LRP1B: variants seen among roughly 807,000 people sequenced by gnomAD.
LRP1B encodes the protein LDL receptor related protein 1B, also known as low-density lipoprotein receptor-related protein 1B.
Under a neutral mutation model 556.6 loss-of-function variants are expected in LRP1B, and 217 were observed. The observed-to-expected ratio is 0.39, with a 90% CI of 0.35 to 0.44. The LOEUF (loss-of-function observed/expected upper bound fraction) is 0.44, where lower values mean the gene tolerates loss of function less well. LRP1B is among the 20% of genes least tolerant of loss of function. LRP1B has a pLI of 1.00. For missense variants in LRP1B, 5,053 were observed against 5,620.8 expected, an observed-to-expected ratio of 0.90 and a Z score of 3.23; for synonymous variants, 2,047 against 1,865.8, an observed-to-expected ratio of 1.10 and a Z score of -2.50.
At chr2:141,695,453 C>A (rs1419816327) in intron 2 of LRP1B, among the ~76,000 whole-genome samples, 2 of 151,896 alleles carry the variant, frequency 1.3e-5, no homozygotes, top group African/African-American at 4.8e-5. Context: ...TTCATGGAGA[C>A]TAAATTACTT....
At chr2:141,241,128 T>C (rs1336464311) in intron 5 of LRP1B, among the ~76,000 whole-genome samples, 3 of 152,114 alleles carry the variant, frequency 2.0e-5, no homozygotes, top group Non-Finnish European at 4.4e-5. Flanking sequence ...AAAAGTGTGT[T>C]GTATCATTTG....
chr2:140,345,779 CAT>C (rs199660188), intron 77 of LRP1B, among the ~76,000 whole-genome samples: 1,710 of 128,098 alleles, frequency 0.013, 52 homozygotes, highest in African/African-American at 0.051. Context: ...CATATATATA[CAT>C]ATATATACAC....
At chr2:140,547,809 C>T (rs1028378982) in intron 43 of LRP1B, among the ~76,000 whole-genome samples, 9 of 151,898 alleles carry the variant, frequency 5.9e-5, no homozygotes, top group African/African-American at 1.7e-4. Flanking sequence ...TTGTGATTTC[C>T]GCTTGCAGAG....
At chr2:141,327,879 A>T (rs901637514) in intron 3 of LRP1B, among the ~76,000 whole-genome samples, 12 of 90,402 alleles carry the variant, frequency 1.3e-4, no homozygotes, top group Non-Finnish European at 4.6e-5. Flanking sequence ...AAAGAGTGAG[A>T]GAGAGAGAGA....
In LRP1B at chr2:140,848,311, T is replaced by C. The variant is rs368835399; in HGVS notation, c.4939+1791A>G. ...AAAAAAATTCTGAACAAAGAGGAAA[T>C]CTTTGCATTTGCTTTTTTATAAAAA... On this transcript the variant is annotated intron_variant, in intron 29 of 90. Transcript: ENST00000389484. Among the ~76,000 whole-genome samples, 8 of 152,230 alleles carry C rather than the reference T, an allele frequency of 5.3e-5. No homozygotes were observed. The East Asian group carries it at 1.2e-3, about 22-fold the overall frequency.
chr2:142,130,586 G>T, intron 1 of LRP1B, 62 bp downstream of exon 1: 2 of 1,382,772 alleles, frequency 1.4e-6, no homozygotes, highest in Non-Finnish European at 2.0e-6. Context: ...TTATCTGCAA[G>T]CATCGCCCAG....
At position 142,062,506 on chromosome 2, in the gene LRP1B, A is replaced by C. The variant is rs186874225; in HGVS notation, c.82+68142T>G. Among the ~76,000 whole-genome samples, 233 of 151,910 alleles carry C rather than the reference A, an allele frequency of 1.5e-3. 1 individual carries two copies. Among genetic ancestry groups the C allele is most frequent in the Non-Finnish European group, 2.7e-3 (184 of 67,872 alleles). Reference sequence around the variant, plus strand: ...ACTATAAGATGAAAGCTGAGGCAAAATTTTGATGTTGATGTCTACTAGATG... The same window carrying C: ...ACTATAAGATGAAAGCTGAGGCAAACTTTTGATGTTGATGTCTACTAGATG... On this transcript the variant is annotated intron_variant, in intron 1 of 90. Transcript: ENST00000389484.
chr2:140,748,791 AT>A (rs1688455778), intron 35 of LRP1B, among the ~76,000 whole-genome samples: 1 of 45,936 alleles, frequency 2.2e-5, no homozygotes, highest in African/African-American at 6.5e-5. Flanking sequence ...TATAATATAT[AT>A]TATATACATA....
At position 141,806,074 on chromosome 2, in the gene LRP1B, G is replaced by A. The variant is rs1488888742; in HGVS notation, c.205+4205C>T. 2.0e-5 allele frequency among the ~76,000 whole-genome samples: 3 copies of A among 152,040 alleles called. No homozygotes were observed. The East Asian group carries it at 5.8e-4, about 29-fold the overall frequency. ...TTAAAAAGAAATAATCTAGTTTTAA[G>A]TATAATGATGTCAGATTTCTGGAAA... is the stretch of plus-strand genomic sequence containing the variant. On this transcript the variant is annotated intron_variant, in intron 2 of 90. Transcript: ENST00000389484.
chr2:142,071,166 G>A (rs945200464), intron 1 of LRP1B, among the ~76,000 whole-genome samples: 36 of 151,914 alleles, frequency 2.4e-4, no homozygotes, highest in African/African-American at 7.2e-4. Flanking sequence ...TTTTATATTC[G>A]TAAATGAAAT....
At chr2:141,621,457 G>A (rs1688502018) in intron 2 of LRP1B, among the ~76,000 whole-genome samples, 1 of 152,126 alleles carries the variant, frequency 6.6e-6, no homozygotes, top group Admixed American at 6.5e-5. Context: ...TTTATCATCA[G>A]TGTTACATAA....
At chr2:141,349,044 G>A (rs561488651) in intron 3 of LRP1B, among the ~76,000 whole-genome samples, 31 of 151,966 alleles carry the variant, frequency 2.0e-4, no homozygotes, top group African/African-American at 7.0e-4. Context: ...CCTTTTTCTT[G>A]TATAAATTAC....
chr2:141,033,694 C>T (rs1431137210), intron 11 of LRP1B, among the ~76,000 whole-genome samples: 1 of 152,138 alleles, frequency 6.6e-6, no homozygotes, highest in East Asian at 2.0e-4. Flanking sequence ...GAGGCCAGAG[C>T]TCTTTCTTTC....
intron 31 of LRP1B, among the ~76,000 whole-genome samples, chr2:140,817,308 CATA>C (rs1691157022): frequency 6.6e-6 from 1 of 151,466 alleles, no homozygotes; most frequent in South Asian, 2.1e-4. Flanking sequence ...GATCCAATAA[CATA>C]ATAAGTATAC....
intron 66 of LRP1B, among the ~76,000 whole-genome samples, chr2:140,432,995 G>A (rs1401981505): frequency 1.3e-5 from 2 of 152,174 alleles, no homozygotes; most frequent in Admixed American, 1.3e-4. Context: ...AGCCATATAT[G>A]CTACTAAGTG....
intron 2 of LRP1B, among the ~76,000 whole-genome samples, chr2:141,761,409 A>T (rs1288369088): frequency 2.3e-5 from 1 of 42,570 alleles, no homozygotes; most frequent in Non-Finnish European, 1.3e-4. Context: ...AAGTACAAAT[A>T]ACTTAATAAA....
At chr2:141,044,215 G>GT (rs1698796186) in intron 11 of LRP1B, among the ~76,000 whole-genome samples, 1 of 150,438 alleles carries the variant, frequency 6.6e-6, no homozygotes, top group Admixed American at 6.6e-5. Flanking sequence ...CTGGCTAGCC[G>GT]TATGTAGAAA....
chr2:140,456,553 G>A lies in LRP1B; in HGVS notation c.9865C>T (p.Leu3289Phe), dbSNP rs2105322094. ...INNGGCSHLC[L>F]LAPGKTHTCA... The stretch of plus-strand genomic sequence containing the variant: ...GTGTGGGTTTTTCCAGGGGCTAAAA[G>A]GCACAAATGACTGCAACCACCATTA... The change falls in exon 62 of 91, where the codon CTT (leucine) becomes TTT (phenylalanine). Residue 3289 changes from leucine (L) to phenylalanine (F), a missense_variant. Leu to Phe is a conservative substitution (Grantham distance 22, BLOSUM62 0). Transcript: ENST00000389484. 6.2e-7 allele frequency: 1 copy of A among 1,613,304 alleles called. No individual in the cohort carries two copies. The highest frequency in any genetic ancestry group is 1.3e-5 in the African/African-American group (1 of 75,028).
chr2:140,588,446 T>C (rs1163228174), intron 43 of LRP1B, among the ~76,000 whole-genome samples: 1 of 152,176 alleles, frequency 6.6e-6, no homozygotes, highest in African/African-American at 2.4e-5. Context: ...GACGACACTA[T>C]AGATATATGA....
Sources: gnomAD v4.1 joint callset for allele counts (sites outside exome capture counted in the v4.1 genomes callset) on GRCh38, gnomAD v4.1.1 for gene constraint, MANE v1.5 for transcripts, NCBI Gene and HGNC (gene_info 2026-07-23, HGNC 2026-07-21) for gene names.